The following TENM1 variants were observed in gnomAD, a reference collection of about 807,000 sequenced individuals.
TENM1 encodes teneurin transmembrane protein 1, also known as teneurin-1.
Under a neutral mutation model 174.8 loss-of-function variants are expected in TENM1, and 35 were observed. The ratio of observed to expected loss-of-function variants is 0.20; its 90% CI spans 0.15 to 0.27. The LOEUF (loss-of-function observed/expected upper bound fraction) is 0.27. Ranked by LOEUF, TENM1 falls within the 10% of genes least tolerant of loss-of-function variation. The probability of loss-of-function intolerance (pLI) is 1.00; values close to 1 mark genes in which losing one functional copy is unlikely to be tolerated. For missense variants in TENM1, 1,633 were observed against 2,130.1 expected (o/e 0.77, Z 4.59); for synonymous variants, 781 against 798.7 (o/e 0.98, Z 0.37).
At chrX:124,970,182 C>T in the TENM1 span, among the ~76,000 whole-genome samples, 2 of 111,828 alleles carry the variant, frequency 1.8e-5, no homozygotes, top group African/African-American at 6.5e-5. Context: ...TAATCACATA[C>T]ACTGCCCCCT....
chrX:124,791,810 G>T (rs1306237341), intron 3 of TENM1, among the ~76,000 whole-genome samples: 1 of 111,472 alleles, frequency 9.0e-6, no homozygotes, highest in Non-Finnish European at 1.9e-5. Context: ...CTGGCAATAA[G>T]TAGAGTTATT....
chrX:124,481,701 A>ATATATATATATC, intron 22 of TENM1, 31 bp downstream of exon 25: 2 of 340,652 alleles, frequency 5.9e-6, no homozygotes, highest in Non-Finnish European at 9.6e-6. Context: ...AAGGGTATAT[A>ATATATATATATC]TATATATATA....
At chrX:124,962,546 G>A (rs112715478) in intron 1 of TENM1, among the ~76,000 whole-genome samples, 16 of 112,130 alleles carry the variant, frequency 1.4e-4, no homozygotes, top group Admixed American at 2.8e-4. Flanking sequence ...CCATCCGGGC[G>A]CGGTGGCTCA....
At chrX:125,191,758 AG>A in the TENM1 span, among the ~76,000 whole-genome samples, 1 of 111,751 alleles carries the variant, frequency 8.9e-6, no homozygotes, top group South Asian at 3.7e-4. Flanking sequence ...AGAGTCAAAA[AG>A]GATCTATCAT....
chrX:124,651,888 T>A (rs1207667271), intron 8 of TENM1, 26 bp downstream of exon 11: 1 of 1,199,507 alleles, frequency 8.3e-7, no homozygotes, highest in Admixed American at 2.2e-5. Flanking sequence ...AACTGTCAAT[T>A]CAACATATTA....
intron 4 of TENM1, among the ~76,000 whole-genome samples, chrX:124,719,431 C>T (rs1603062624): frequency 9.0e-6 from 1 of 111,412 alleles, no homozygotes; most frequent in Non-Finnish European, 1.9e-5. Flanking sequence ...AAATCCAAAA[C>T]CTGAACTGAT....
At chrX:124,414,181 C>T (rs2060567893) in intron 25 of TENM1, among the ~76,000 whole-genome samples, 1 of 111,392 alleles carries the variant, frequency 9.0e-6, no homozygotes, top group African/African-American at 3.3e-5. Context: ...ATGCAGAAGA[C>T]GAAGGATCAA....
chrX:124,721,919 G>A (rs954521083), intron 4 of TENM1, among the ~76,000 whole-genome samples: 1 of 112,022 alleles, frequency 8.9e-6, no homozygotes, highest in East Asian at 2.8e-4. Flanking sequence ...CTATATGCAC[G>A]CACACAAACA....
chrX:124,560,191 T>TTGTGTGTGTG (rs375476919), intron 14 of TENM1, among the ~76,000 whole-genome samples: 1,100 of 88,175 alleles, frequency 0.012, 31 homozygotes, highest in African/African-American at 0.037. Flanking sequence ...TCTCTTCTAT[T>TTGTGTGTGTG]TGTGTGTGTG....
chrX:124,879,079 T>G (rs2057259057), intron 3 of TENM1, among the ~76,000 whole-genome samples: 1 of 112,312 alleles, frequency 8.9e-6, no homozygotes, highest in Non-Finnish European at 1.9e-5. Flanking sequence ...AATCAGTGTA[T>G]TTGGGGGTAT....
chrX:124,390,980 C>T (rs1035817478), intron 28 of TENM1, among the ~76,000 whole-genome samples: 3 of 112,237 alleles, frequency 2.7e-5, no homozygotes, highest in African/African-American at 9.7e-5. Context: ...TTTGCCCTGG[C>T]TCCCAAGTGA....
intron 27 of TENM1, among the ~76,000 whole-genome samples, chrX:124,398,730 C>T (rs139362194): frequency 4.5e-5 from 5 of 111,030 alleles, no homozygotes; most frequent in African/African-American, 1.6e-4. Context: ...TTTAAGCGTA[C>T]AATTTAATGA....
At chrX:125,185,978 G>A in the TENM1 span, among the ~76,000 whole-genome samples, 1 of 111,291 alleles carries the variant, frequency 9.0e-6, no homozygotes, top group Admixed American at 9.6e-5. Flanking sequence ...GGAGGAGTAT[G>A]AAATTCTCAC....
the TENM1 span, among the ~76,000 whole-genome samples, chrX:125,009,571 T>C: frequency 9.0e-6 from 1 of 110,889 alleles, no homozygotes; most frequent in East Asian, 2.9e-4. Flanking sequence ...CAGACAGAGA[T>C]ACAACAAAAA....
At chrX:124,627,500 G>A (rs1170633744) in intron 11 of TENM1, among the ~76,000 whole-genome samples, 8 of 111,806 alleles carry the variant, frequency 7.2e-5, no homozygotes, top group African/African-American at 1.6e-4. Flanking sequence ...GCCAGGCTCC[G>A]TGGCAGTTAC....
chrX:125,021,017 T>TTTATA, the TENM1 span, among the ~76,000 whole-genome samples: 10,127 of 111,120 alleles, frequency 0.091, 375 homozygotes, highest in South Asian at 0.19. Context: ...TCACTAAAGC[T>TTTATA]TTATAATTGT....
chrX:124,589,713 A>G (rs747704260), intron 11 of TENM1, among the ~76,000 whole-genome samples: 1 of 111,445 alleles, frequency 9.0e-6, no homozygotes, highest in African/African-American at 3.3e-5. Flanking sequence ...AGAAGTGTTA[A>G]TAATAGTCTC....
At chrX:124,681,012 A>G (rs1279398625) in intron 5 of TENM1, among the ~76,000 whole-genome samples, 1 of 111,768 alleles carries the variant, frequency 8.9e-6, no homozygotes, top group Non-Finnish European at 1.9e-5. Flanking sequence ...TTTGACCTGT[A>G]TATTATTTAA....
At chrX:125,203,108 G>A in the TENM1 span, among the ~76,000 whole-genome samples, 2 of 112,986 alleles carry the variant, frequency 1.8e-5, no homozygotes, top group African/African-American at 6.4e-5. Flanking sequence ...AAAGGTATAG[G>A]GAGGACGCAT....
Sources: gnomAD v4.1 joint callset for allele counts (sites outside exome capture counted in the v4.1 genomes callset) on GRCh38, gnomAD v4.1.1 for gene constraint, MANE v1.5 for transcripts, NCBI Gene and HGNC (gene_info 2026-07-23, HGNC 2026-07-21) for gene names.